MOGAT2: variants seen among roughly 807,000 people sequenced by gnomAD.
MOGAT2 encodes monoacylglycerol O-acyltransferase 2.
In MOGAT2, 27 loss-of-function variants were observed where a neutral mutation model predicts 31.5. The ratio of observed to expected loss-of-function variants is 0.86; its 90% CI spans 0.63 to 1.18. The LOEUF is 1.18. MOGAT2 is among the 50% of genes most tolerant of loss of function. MOGAT2 has a pLI of 0.00. For synonymous variants in MOGAT2, 163 were observed against 170.0 expected, an observed-to-expected ratio of 0.96 and a Z score of 0.32; for missense variants, 436 against 433.2, an observed-to-expected ratio of 1.01 and a Z score of -0.06.
At chr11:75,727,077 A>G (rs938178489) in intron 2 of MOGAT2, among the ~76,000 whole-genome samples, 5 of 152,076 alleles carry the variant, frequency 3.3e-5, no homozygotes, top group African/African-American at 1.2e-4. Context: ...TATCCTGTCC[A>G]GGTGGTGTTG....
At position 75,720,100 on chromosome 11, in the gene MOGAT2, G is replaced by T. The variant is rs1944364559; in HGVS notation, c.200G>T (p.Gly67Val). 6.2e-7 allele frequency: 1 copy of T among 1,614,074 alleles called. No homozygotes were observed. The highest frequency in any genetic ancestry group is 8.5e-7 in the Non-Finnish European group (1 of 1,180,042). ...WYLDRDKPRQ[G>V]GRHIQAIRCW... ...CTGGACCGAGACAAGCCACGGCAGG[G>T]GGGCCGGCACATCCAGGCCATCAGG... The change falls in exon 2 of 6, where the codon GGG (glycine) becomes GTG (valine). Residue 67 changes from glycine (G) to valine (V), a missense_variant. Gly to Val is a moderately radical substitution (Grantham distance 109, BLOSUM62 -3). Coordinates refer to ENST00000198801, the MANE Select transcript of MOGAT2 (RefSeq NM_025098.4).
At chr11:75,720,671 G>A (rs1015239220) in intron 2 of MOGAT2, among the ~76,000 whole-genome samples, 1 of 152,132 alleles carries the variant, frequency 6.6e-6, no homozygotes, top group African/African-American at 2.4e-5. Flanking sequence ...AGAGGAGAGA[G>A]CCCTGAATTG....
Position 75,728,079 on chromosome 11 carries a change from G to A in MOGAT2, c.585G>A (p.Arg195=), listed in dbSNP as rs202195868. ...GTGCCCAGGAGGCCCTGGATGCCAG[G>A]CCTGGATCCTTCACGCTGTTACTGC... The part of the protein sequence containing the change: ...VGGAQEALDA[R]PGSFTLLLRN... Residue 195 remains arginine (R), a synonymous_variant, in exon 4 of 6, where the codon AGG becomes AGA. Transcript: ENST00000198801. 1.3e-5 allele frequency: 21 copies of A among 1,614,032 alleles called. No homozygotes were observed. The highest frequency in any genetic ancestry group is 3.4e-6 in the Non-Finnish European group (4 of 1,180,042).
chr11:75,718,034 C>G, intron 1 of MOGAT2, 55 bp downstream of exon 1: 1 of 1,518,596 alleles, frequency 6.6e-7, no homozygotes, highest in Non-Finnish European at 9.1e-7. Context: ...TGGGGCAGAG[C>G]AGCCACACCA....
chr11:75,727,891 G>A (rs1388182594), intron 3 of MOGAT2, 79 bp from the exon 4 acceptor site: 3 of 1,418,862 alleles, frequency 2.1e-6, no homozygotes, highest in Admixed American at 4.5e-5. Context: ...CATTGCTGGT[G>A]ATCTCTTTAT....
intron 2 of MOGAT2, among the ~76,000 whole-genome samples, chr11:75,726,962 T>G (rs1944426930): frequency 6.6e-6 from 1 of 152,160 alleles, no homozygotes; most frequent in Admixed American, 6.5e-5. Context: ...AGTGCTGGGA[T>G]TACAGGCGTG....
rs201043690 is a variant in MOGAT2 at position 75,727,509 on chromosome 11, C to A, written c.345C>A (p.Val115=). Reference sequence around the variant, plus strand: ...TCCACCCCCATGGAGTCCTGGCAGTCGGAGCCTTTGCCAACCTGTGCACTG... The same window carrying A: ...TCCACCCCCATGGAGTCCTGGCAGTAGGAGCCTTTGCCAACCTGTGCACTG... ...AGFHPHGVLA[V]GAFANLCTES... is the part of the protein sequence containing the mutation. The change falls in exon 3 of 6, where the codon GTC becomes GTA. Residue 115 remains valine (V), a synonymous_variant. Coordinates refer to ENST00000198801, the MANE Select transcript of MOGAT2 (RefSeq NM_025098.4). 1 of 1,614,146 alleles carries A rather than the reference C, an allele frequency of 6.2e-7. No individual in the cohort carries two copies. The highest frequency in any genetic ancestry group is 8.5e-7 in the Non-Finnish European group (1 of 1,180,020).
chr11:75,728,116 G>A lies in MOGAT2; in HGVS notation c.622G>A (p.Gly208Ser). The A allele has an allele frequency of 1.9e-6, 3 of 1,613,866 alleles. No homozygotes were observed. Among genetic ancestry groups the A allele is most frequent in the Non-Finnish European group, 2.5e-6 (3 of 1,179,908 alleles). Residue 208 changes from glycine (G) to serine (S), a missense_variant, in exon 4 of 6, where the codon GGC (glycine) becomes AGC (serine). Transcript: ENST00000198801. Reference sequence around the variant, plus strand: ...CACGCTGTTACTGCGGAACCGAAAGGGCTTCGTCAGGCTCGCCCTGACACA... The same window carrying A: ...CACGCTGTTACTGCGGAACCGAAAGAGCTTCGTCAGGCTCGCCCTGACACA... ...SFTLLLRNRK[G>S]FVRLALTHGA...
intron 4 of MOGAT2, chr11:75,728,561 AC>A: frequency 1.7e-6 from 1 of 592,386 alleles, no homozygotes; most frequent in East Asian, 2.8e-5. Context: ...ATTCTGGTCT[AC>A]CTCTCATGGT....
intron 2 of MOGAT2, among the ~76,000 whole-genome samples, chr11:75,722,930 T>C (rs138945415): frequency 1.4e-4 from 21 of 152,380 alleles, no homozygotes; most frequent in African/African-American, 5.0e-4. Context: ...GCAGAAATTC[T>C]ATGTGCATCT....
At chr11:75,729,167 A>G (rs1565302145) in intron 5 of MOGAT2, among the ~76,000 whole-genome samples, 178 bp downstream of exon 5, 1 of 152,248 alleles carries the variant, frequency 6.6e-6, no homozygotes, top group South Asian at 2.1e-4. Context: ...TAGGAACTAT[A>G]GCAGAGGTGC....
chr11:75,725,357 C>A (rs609799), intron 2 of MOGAT2, among the ~76,000 whole-genome samples: 29,015 of 151,892 alleles, frequency 0.19, 2,865 homozygotes, highest in East Asian at 0.23. Flanking sequence ...CCAGCCTGGG[C>A]AACATGGTGA....
intron 1 of MOGAT2, chr11:75,719,749 C>A: frequency 2.0e-6 from 1 of 498,174 alleles, no homozygotes; most frequent in South Asian, 3.4e-5. Flanking sequence ...AGAAAGTGAG[C>A]TTTGGAGTTA....
At chr11:75,721,217 G>A (rs1227081642) in intron 2 of MOGAT2, among the ~76,000 whole-genome samples, 2 of 152,134 alleles carry the variant, frequency 1.3e-5, no homozygotes, top group Non-Finnish European at 1.5e-5. Flanking sequence ...TGTAAAATGG[G>A]GATAATGACA....
rs1174005541 is a variant in MOGAT2, at chr11:75,728,703, T to C, written c.651-87T>C. 3.4e-5 allele frequency: 40 copies of C among 1,181,804 alleles called. No individual in the cohort carries two copies. The Admixed American group carries it at 7.0e-4, about 21-fold the overall frequency. 73.2% of individuals were successfully genotyped at this position (1,181,804 alleles called of 1,614,324 possible). ...GACCTCTGCTCCATTTCTTGGTCAC[T>C]GAGTCCCTGCAGGAAGCTAAAGGGC... On this transcript the variant is annotated intron_variant, in intron 4 of 5. Transcript: ENST00000198801.
chr11:75,720,137 A>G lies in MOGAT2; in HGVS notation c.237A>G (p.Ile79Met), dbSNP rs1436601542. Residue 79 changes from isoleucine (I) to methionine (M), a missense_variant, in exon 2 of 6, where the codon ATA becomes ATG. Transcript: ENST00000198801. ...RHIQAIRCWT[I>M]WKYMKDYFPI... is the part of the protein sequence containing the mutation. ...TCCAGGCCATCAGGTGCTGGACTATATGGAAGTACATGAAGGACTATTTCC... is the reference window on the plus strand; with the variant it reads ...TCCAGGCCATCAGGTGCTGGACTATGTGGAAGTACATGAAGGACTATTTCC... 6.2e-7 allele frequency: 1 copy of G among 1,613,592 alleles called. No individual in the cohort carries two copies. Among genetic ancestry groups the G allele is most frequent in the East Asian group, 2.2e-5 (1 of 44,848 alleles).
At chr11:75,722,311 G>A (rs1188769323) in intron 2 of MOGAT2, among the ~76,000 whole-genome samples, 1 of 152,162 alleles carries the variant, frequency 6.6e-6, no homozygotes, top group Non-Finnish European at 1.5e-5. Context: ...TTCCTCTTCT[G>A]TGCCAGGAAG....
intron 2 of MOGAT2, among the ~76,000 whole-genome samples, chr11:75,726,903 T>C (rs1236268136): frequency 6.6e-6 from 1 of 152,130 alleles, no homozygotes; most frequent in African/African-American, 2.4e-5. Context: ...TTCACCATGT[T>C]GGTCTCAAAC....
In MOGAT2 at chr11:75,728,963, C is replaced by G; in HGVS notation, c.824C>G (p.Pro275Arg). ...TTCCAGTACAGCTTTGGTTTAATAC[C>G]CTACCGCCGGCCCATCACCACTGTG... ...GVFQYSFGLI[P>R]YRRPITTVVG... is the part of the protein sequence containing the mutation. Residue 275 changes from proline to arginine, a missense_variant, in exon 5 of 6, where the codon CCC becomes CGC. By Grantham distance (103) the Pro-to-Arg change is moderately radical. Coordinates refer to ENST00000198801, the MANE Select transcript of MOGAT2 (RefSeq NM_025098.4). 1.2e-6 allele frequency: 2 copies of G among 1,613,918 alleles called. No homozygotes were observed. The highest frequency in any genetic ancestry group is 1.7e-6 in the Non-Finnish European group (2 of 1,180,038).
Sources: gnomAD v4.1 joint callset for allele counts (sites outside exome capture counted in the v4.1 genomes callset) on GRCh38, gnomAD v4.1.1 for gene constraint, MANE v1.5 for transcripts, NCBI Gene and HGNC (gene_info 2026-07-23, HGNC 2026-07-21) for gene names.